WDR49: variants seen among roughly 807,000 people sequenced by gnomAD.
The protein encoded by WDR49 is cilia- and flagella-associated protein 337.
Under a neutral mutation model 119.5 loss-of-function variants are expected in WDR49, and 107 were observed. That is an observed-to-expected ratio of 0.90 (90% CI 0.77 to 1.05). WDR49 has a LOEUF of 1.05. WDR49 is among the 50% of genes least tolerant of loss of function. The pLI is 0.00. For synonymous variants in WDR49, 425 were observed against 418.8 expected (o/e 1.01, Z -0.18); for missense variants, 1,240 against 1,220.5 (o/e 1.02, Z -0.24).
At chr3:167,505,163 C>T (rs1751716813) in intron 17 of WDR49, 144 bp downstream of exon 17, 19 of 1,140,012 alleles carry the variant, frequency 1.7e-5, no homozygotes, top group Non-Finnish European at 2.1e-5. Flanking sequence ...TCACTTTTCT[C>T]CTTTGTTAAA....
chr3:167,625,527 T>C (rs1455463727), intron 3 of WDR49, among the ~76,000 whole-genome samples: 2 of 152,018 alleles, frequency 1.3e-5, no homozygotes, highest in African/African-American at 4.8e-5. Context: ...ACTTGATAAC[T>C]GAAAAATTAA....
chr3:167,577,879 T>C (rs1051055911), intron 7 of WDR49, among the ~76,000 whole-genome samples: 1 of 152,154 alleles, frequency 6.6e-6, no homozygotes, highest in Non-Finnish European at 1.5e-5. Flanking sequence ...TTGAAAATGA[T>C]GGTTCTATCC....
Position 167,516,528 on chromosome 3 carries a change from G to A in WDR49, c.2774+5787C>T, listed in dbSNP as rs114250212. On this transcript the variant is annotated intron_variant, in intron 16 of 18. Transcript: ENST00000682715. ...TGGACATTTGGGTTGGTTCCAAGTC[G>A]TCGTTATTGTGAATAGTGCCACAAT... 4.5e-3 allele frequency among the ~76,000 whole-genome samples: 684 copies of A among 152,050 alleles called. 2 individuals carry two copies. Among genetic ancestry groups the A allele is most frequent in the African/African-American group, 0.015 (631 of 41,476 alleles).
chr3:167,527,386 T>TA (rs1752673769), intron 15 of WDR49, among the ~76,000 whole-genome samples: 1 of 152,170 alleles, frequency 6.6e-6, no homozygotes, highest in Non-Finnish European at 1.5e-5. Flanking sequence ...TTGGCAGCAG[T>TA]AAACCAGATA....
chr3:167,486,841 A>G (rs1013580776), intron 18 of WDR49, among the ~76,000 whole-genome samples: 1 of 152,076 alleles, frequency 6.6e-6, no homozygotes, highest in Non-Finnish European at 1.5e-5. Context: ...AAACTAACAA[A>G]GAAACTCTAG....
Position 167,621,580 on chromosome 3 carries a change from C to T in WDR49, c.670G>A (p.Ala224Thr). Residue 224 changes from alanine to threonine, a missense_variant, in exon 4 of 19, where the codon GCT becomes ACT. Ala to Thr is a moderately conservative substitution (Grantham distance 58). Transcript: ENST00000682715. ...FYDLLSKEEF[A>T]CQYKLQGLKG... Reference sequence around the variant, plus strand: ...AGGCCTTGGAGTTTGTATTGGCAAGCAAATTCTTCTTTGGACAGCAGATCA... The same window carrying T: ...AGGCCTTGGAGTTTGTATTGGCAAGTAAATTCTTCTTTGGACAGCAGATCA... 1 of 1,535,230 alleles carries T rather than the reference C, an allele frequency of 6.5e-7. No individual in the cohort carries two copies. The highest frequency in any genetic ancestry group is 8.7e-7 in the Non-Finnish European group (1 of 1,146,310).
Position 167,529,288 on chromosome 3 carries a change from A to C in WDR49, c.2219-49T>G, listed in dbSNP as rs374508797. 59 of 1,485,650 alleles carry C rather than the reference A, an allele frequency of 4.0e-5. No homozygotes were observed. In the African/African-American group the frequency reaches 7.6e-4, roughly 19 times the overall value. The allele number at this position is 1,485,650 out of a possible 1,614,324, so 92.0% of individuals were successfully genotyped here. ...ACTAGAAAACTGAACAACAAATGCC[A>C]GAAATAACTTCTTCAGTGGCTTTCC... On this transcript the variant is annotated intron_variant, in intron 13 of 18. Coordinates refer to ENST00000682715, the MANE Select transcript of WDR49 (RefSeq NM_001366157.1).
At chr3:167,498,101 A>T (rs572707771) in intron 18 of WDR49, among the ~76,000 whole-genome samples, 1 of 152,046 alleles carries the variant, frequency 6.6e-6, no homozygotes, top group Admixed American at 6.5e-5. Context: ...CGGTCTCCCA[A>T]TGTGCTGGGA....
chr3:167,628,686 T>C (rs1166418363), intron 2 of WDR49, among the ~76,000 whole-genome samples: 2 of 152,134 alleles, frequency 1.3e-5, no homozygotes, highest in African/African-American at 4.8e-5. Context: ...AAGCAGAAAC[T>C]GCTGATGTGG....
At chr3:167,502,389 C>T (rs1751606814) in intron 17 of WDR49, among the ~76,000 whole-genome samples, 4 of 152,130 alleles carry the variant, frequency 2.6e-5, no homozygotes, top group Admixed American at 1.3e-4. Flanking sequence ...TGGGGCATTG[C>T]TATAAAGATA....
intron 16 of WDR49, among the ~76,000 whole-genome samples, chr3:167,511,666 G>A (rs539862276): frequency 3.7e-4 from 56 of 152,130 alleles, no homozygotes; most frequent in African/African-American, 1.4e-3. Context: ...TGAACGCTTG[G>A]GTTGCAGCCA....
Position 167,585,403 on chromosome 3 carries a change from TGTG to T in WDR49, c.1276-9255_1276-9253del, listed in dbSNP as rs1714759003. ...TCTTAAAAGGGTGCGTGTGTGTGTG[TGTG>T]TGTGTGTGTGTGTGTGTGTGTGTGT... On this transcript the variant is annotated intron_variant, in intron 7 of 18. Transcript: ENST00000682715. Among the ~76,000 whole-genome samples, 5 of 150,414 alleles carry T rather than the reference TGTG, an allele frequency of 3.3e-5. No individual in the cohort carries two copies. In the East Asian group the frequency reaches 5.8e-4, roughly 18 times the overall value.
intron 17 of WDR49, among the ~76,000 whole-genome samples, chr3:167,501,343 A>G (rs1253640964): frequency 6.6e-6 from 1 of 152,188 alleles, no homozygotes; most frequent in Admixed American, 6.5e-5. Context: ...CAGATCATGG[A>G]CTTAAGTTGA....
chr3:167,573,519 A>T (rs2108281887), intron 8 of WDR49, among the ~76,000 whole-genome samples: 1 of 152,286 alleles, frequency 6.6e-6, no homozygotes, highest in East Asian at 1.9e-4. Context: ...ATAAGAGCAC[A>T]CATTCCCTTA....
At chr3:167,611,201 C>T (rs768543178) in intron 5 of WDR49, among the ~76,000 whole-genome samples, 16 of 152,010 alleles carry the variant, frequency 1.1e-4, no homozygotes, top group South Asian at 4.1e-4. Context: ...AGCAGAGGGA[C>T]GAAGTTAAAA....
Position 167,533,036 on chromosome 3 carries a change from C to G in WDR49, c.1955-59G>C. 3 of 1,242,010 alleles carry G rather than the reference C, an allele frequency of 2.4e-6. No individual in the cohort carries two copies. The South Asian group carries it at 4.4e-5, about 18-fold the overall frequency. The allele number at this position is 1,242,010 out of a possible 1,614,324, so 76.9% of individuals were successfully genotyped here. A position where few individuals can be genotyped will look rare whatever the true frequency, so the allele number is the denominator to read the frequency against. ...AGGAGATTAAGATAGAAAATATGAG[C>G]AACAGCAATCAGAAGAAGTTATTAG... On this transcript the variant is annotated intron_variant, in intron 11 of 18. Transcript: ENST00000682715.
chr3:167,496,764 A>G (rs1172083040), intron 18 of WDR49, among the ~76,000 whole-genome samples: 1 of 152,162 alleles, frequency 6.6e-6, no homozygotes, highest in African/African-American at 2.4e-5. Flanking sequence ...AAAATGAACA[A>G]ACATTATTTC....
At chr3:167,614,311 C>G (rs1716494417) in intron 5 of WDR49, among the ~76,000 whole-genome samples, 1 of 152,128 alleles carries the variant, frequency 6.6e-6, no homozygotes, top group Non-Finnish European at 1.5e-5. Context: ...GTTGGCCAGG[C>G]TGGTCTCCAA....
chr3:167,613,651 G>A (rs945822757), intron 5 of WDR49, among the ~76,000 whole-genome samples: 2 of 152,120 alleles, frequency 1.3e-5, no homozygotes, highest in Non-Finnish European at 2.9e-5. Flanking sequence ...ACTAATTAGT[G>A]CAGCAATTAG....
Sources: allele counts gnomAD v4.1 joint callset (sites outside exome capture counted in the v4.1 genomes callset), GRCh38; gene constraint gnomAD v4.1.1; transcripts MANE v1.5; gene names NCBI Gene and HGNC (gene_info 2026-07-23, HGNC 2026-07-21).